Variants in TAX1BP1 observed in about 807,000 individuals in gnomAD.
TAX1BP1 encodes the protein Tax1 binding protein 1, also known as tax1-binding protein 1.
In TAX1BP1, 62 loss-of-function variants were observed where a neutral mutation model predicts 97.7. The observed-to-expected ratio is 0.63, with a 90% confidence interval of 0.52 to 0.78. The LOEUF (loss-of-function observed/expected upper bound fraction) is 0.78, where lower values mean the gene tolerates loss of function less well. TAX1BP1 is among the 30% of genes least tolerant of loss of function. The pLI, the probability that TAX1BP1 is intolerant of heterozygous loss-of-function variation, is 0.00. For missense variants in TAX1BP1, 867 were observed against 916.1 expected, an observed-to-expected ratio of 0.95 and a Z score of 0.69; for synonymous variants, 340 against 304.2, an observed-to-expected ratio of 1.12 and a Z score of -1.23.
At chr7:27,827,875 A>G (rs1791247120) in intron 16 of TAX1BP1, 55 bp downstream of exon 16, 1 of 1,524,428 alleles carries the variant, frequency 6.6e-7, no homozygotes, top group Non-Finnish European at 9.0e-7. Context: ...GTGGTTCTCA[A>G]AGGTGGTCCT....
chr7:27,752,350 G>C (rs538680990), intron 2 of TAX1BP1, among the ~76,000 whole-genome samples: 25 of 152,298 alleles, frequency 1.6e-4, no homozygotes, highest in Admixed American at 4.6e-4. Flanking sequence ...TGCTACTGTG[G>C]AATAATGTCA....
intron 7 of TAX1BP1, among the ~76,000 whole-genome samples, chr7:27,785,825 G>A (rs907611982): frequency 3.3e-5 from 5 of 152,306 alleles, no homozygotes; most frequent in African/African-American, 1.2e-4. Context: ...GAGCAAGGAG[G>A]AAGTCACAGT....
At chr7:27,762,203 T>A (rs941859811) in intron 3 of TAX1BP1, among the ~76,000 whole-genome samples, 1 of 152,188 alleles carries the variant, frequency 6.6e-6, no homozygotes, top group African/African-American at 2.4e-5. Context: ...ATTTAGGTAT[T>A]CATAGATGTT....
intron 15 of TAX1BP1, among the ~76,000 whole-genome samples, chr7:27,827,216 G>A (rs994869918): frequency 1.2e-4 from 19 of 152,078 alleles, no homozygotes; most frequent in African/African-American, 4.3e-4. Context: ...AGCTGGGCAT[G>A]GTGGTGCACA....
intron 15 of TAX1BP1, 68 bp downstream of exon 15, chr7:27,817,106 G>C: frequency 6.4e-7 from 1 of 1,554,824 alleles, no homozygotes. Context: ...AGAGTTAAGG[G>C]TATGTGTGCA....
chr7:27,779,048 C>T (rs536763780), intron 5 of TAX1BP1, among the ~76,000 whole-genome samples: 2 of 152,118 alleles, frequency 1.3e-5, no homozygotes, highest in South Asian at 4.2e-4. Flanking sequence ...TTCTCTGTCT[C>T]TATATTTGCC....
At chr7:27,809,811 A>G (rs902439393) in intron 13 of TAX1BP1, among the ~76,000 whole-genome samples, 3 of 152,132 alleles carry the variant, frequency 2.0e-5, no homozygotes, top group African/African-American at 4.8e-5. Flanking sequence ...ACTCTATTTC[A>G]GTAGTGTATT....
Position 27,785,264 on chromosome 7 carries a change from T to C in TAX1BP1, c.714T>C (p.Ile238=), listed in dbSNP as rs1789432337. The C allele has an allele frequency of 6.2e-7, 1 of 1,613,422 alleles. No homozygotes were observed. Among genetic ancestry groups the C allele is most frequent in the Non-Finnish European group, 8.5e-7 (1 of 1,179,640 alleles). Residue 238 remains isoleucine (I), a synonymous_variant, in exon 6 of 17, where the codon ATT becomes ATC. Coordinates refer to ENST00000396319, the MANE Select transcript of TAX1BP1 (RefSeq NM_006024.7). ...AAGCCCATCAGCTTGAGGAAGATAT[T>C]GTGTCAGTAACACATAAAGCAATTG... ...TSKAHQLEED[I]VSVTHKAIEK...
At chr7:27,760,691 G>T (rs1788393697) in intron 3 of TAX1BP1, among the ~76,000 whole-genome samples, 1 of 152,170 alleles carries the variant, frequency 6.6e-6, no homozygotes, top group Non-Finnish European at 1.5e-5. Context: ...GCCGCACCTG[G>T]CTGAAAAATT....
At chr7:27,759,633 G>A (rs1003063410) in intron 3 of TAX1BP1, among the ~76,000 whole-genome samples, 4 of 151,644 alleles carry the variant, frequency 2.6e-5, no homozygotes, top group African/African-American at 4.8e-5. Context: ...CTTTCCCCTG[G>A]GGCTGGCTAT....
At chr7:27,769,348 T>C (rs1788758888) in intron 4 of TAX1BP1, among the ~76,000 whole-genome samples, 1 of 152,000 alleles carries the variant, frequency 6.6e-6, no homozygotes, top group Non-Finnish European at 1.5e-5. Flanking sequence ...TTACTGTGGA[T>C]AAGAAAGCCC....
chr7:27,827,194 A>G (rs1791207590), intron 15 of TAX1BP1, among the ~76,000 whole-genome samples: 1 of 152,114 alleles, frequency 6.6e-6, no homozygotes, highest in South Asian at 2.1e-4. Context: ...TCTACTAAAA[A>G]ATACAAAAAT....
intron 11 of TAX1BP1, among the ~76,000 whole-genome samples, chr7:27,795,175 A>G (rs542282584): frequency 6.6e-6 from 1 of 152,366 alleles, no homozygotes; most frequent in South Asian, 2.1e-4. Flanking sequence ...ATCTTAGACT[A>G]TTAAATATTA....
At chr7:27,819,172 T>G (rs774929546) in intron 15 of TAX1BP1, among the ~76,000 whole-genome samples, 4 of 152,146 alleles carry the variant, frequency 2.6e-5, no homozygotes, top group Non-Finnish European at 5.9e-5. Flanking sequence ...TCCTTTCACT[T>G]AAAGTTGCAG....
intron 8 of TAX1BP1, among the ~76,000 whole-genome samples, chr7:27,788,505 T>A (rs1254387139): frequency 1.3e-5 from 2 of 152,094 alleles, no homozygotes; most frequent in Admixed American, 6.5e-5. Flanking sequence ...AATGGTGATT[T>A]AAAAAATTCT....
At chr7:27,755,852 CAGTTTTATATAACTGGT>C in intron 2 of TAX1BP1, among the ~76,000 whole-genome samples, 1 of 152,168 alleles carries the variant, frequency 6.6e-6, no homozygotes, top group East Asian at 1.9e-4. Context: ...TGTATTTTGG[CAGTTTTATATAACTGGT>C]ATTTTGTCCC....
rs140299408 is a variant in TAX1BP1, at chr7:27,755,751, A to G, written c.163-2280A>G. On this transcript the variant is annotated intron_variant, in intron 2 of 16. Coordinates refer to ENST00000396319, the MANE Select transcript of TAX1BP1 (RefSeq NM_006024.7). ...AAGTATGTGACATATTCATTGCTTT[A>G]GTTTCTCTCTTAACATACATACAGC... 7.9e-5 allele frequency among the ~76,000 whole-genome samples: 12 copies of G among 152,212 alleles called. No homozygotes were observed. The East Asian group carries it at 2.1e-3, about 27-fold the overall frequency.
At chr7:27,743,800 T>A (rs371175297) in intron 1 of TAX1BP1, among the ~76,000 whole-genome samples, 3,074 of 4,400 alleles carry the variant, frequency 0.7, 1,128 homozygotes, top group East Asian at 0.97. Flanking sequence ...TTTTTTTTTT[T>A]TTTTTTTTTT....
At chr7:27,784,766 G>T (rs190545996) in intron 5 of TAX1BP1, among the ~76,000 whole-genome samples, 119 of 152,094 alleles carry the variant, frequency 7.8e-4, no homozygotes, top group African/African-American at 2.5e-3. Flanking sequence ...CGAGGCAGGA[G>T]GATTGTTTGA....
Sources: allele counts gnomAD v4.1 joint callset (sites outside exome capture counted in the v4.1 genomes callset), GRCh38; gene constraint gnomAD v4.1.1; transcripts MANE v1.5; gene names NCBI Gene and HGNC (gene_info 2026-07-23, HGNC 2026-07-21).